Variants in ARMH3 observed in about 807,000 individuals in gnomAD.
ARMH3 encodes armadillo like helical domain containing 3.
ARMH3 carries 60 observed loss-of-function variants against 99.1 expected under a neutral mutation model. That is an observed-to-expected ratio of 0.61 (90% CI 0.49 to 0.75). The LOEUF (loss-of-function observed/expected upper bound fraction) is 0.75. Among genes scored for constraint, ARMH3 ranks in the 30% least tolerant of loss-of-function variants. The pLI is 0.00. For missense variants in ARMH3, 679 were observed against 843.1 expected (o/e 0.81, Z 2.41); for synonymous variants, 285 against 292.8 (o/e 0.97, Z 0.27).
At position 102,031,008 on chromosome 10, in the gene ARMH3, G is replaced by A. The variant is rs541301295; in HGVS notation, c.307-1263C>T. Among the ~76,000 whole-genome samples the A allele has an allele frequency of 1.8e-3, 280 of 151,680 alleles. 1 individual carries two copies. Among genetic ancestry groups the A allele is most frequent in the Non-Finnish European group, 2.9e-3 (196 of 67,864 alleles). The stretch of plus-strand genomic sequence containing the variant: ...TCATCATGTTGGCCAGGCTGGTATC[G>A]AACTCCTGCCAGTGATCTGCCCCCC... On this transcript the variant is annotated intron_variant, in intron 4 of 25. Coordinates refer to ENST00000370033, the MANE Select transcript of ARMH3 (RefSeq NM_024541.3).
chr10:101,956,828 T>TATAC, intron 21 of ARMH3, 105 bp from the exon 22 acceptor site: 1 of 1,203,898 alleles, frequency 8.3e-7, no homozygotes, highest in Non-Finnish European at 1.1e-6. Context: ...GAGTTGACTG[T>TATAC]AAAATTTTCA....
intron 17 of ARMH3, among the ~76,000 whole-genome samples, chr10:101,993,033 G>C (rs1433264448): frequency 6.6e-6 from 1 of 151,994 alleles, no homozygotes; most frequent in Admixed American, 6.6e-5. Context: ...CACTTTGGCA[G>C]GCCAAGGCGG....
chr10:102,029,022 G>A (rs1283490570), intron 5 of ARMH3, among the ~76,000 whole-genome samples: 2 of 152,084 alleles, frequency 1.3e-5, no homozygotes, highest in African/African-American at 2.4e-5. Flanking sequence ...TTACAGGCAC[G>A]TGCCACCATA....
At chr10:101,870,957 A>C (rs1269754975) in intron 24 of ARMH3, among the ~76,000 whole-genome samples, 4 of 152,148 alleles carry the variant, frequency 2.6e-5, no homozygotes, top group Non-Finnish European at 5.9e-5. Flanking sequence ...CCCAAACAAC[A>C]AACAAACAAC....
chr10:101,874,971 T>C (rs912764130), intron 24 of ARMH3, among the ~76,000 whole-genome samples: 2 of 152,180 alleles, frequency 1.3e-5, no homozygotes, highest in Admixed American at 1.3e-4. Flanking sequence ...TCCTGATACA[T>C]ACTCCATGAA....
At chr10:101,990,657 A>G in intron 18 of ARMH3, 46 bp from the exon 19 acceptor site, 1 of 1,481,128 alleles carries the variant, frequency 6.8e-7, no homozygotes, top group South Asian at 1.2e-5. Context: ...AATGGAATTC[A>G]TTTCTTGTCT....
chr10:102,009,937 C>T (rs2136104859), intron 12 of ARMH3, 40 bp downstream of exon 12: 2 of 1,592,684 alleles, frequency 1.3e-6, no homozygotes, highest in Middle Eastern at 1.7e-4. Context: ...ACAGCCCACA[C>T]TAAAGTCCAA....
chr10:101,884,598 A>T (rs1203961877), intron 24 of ARMH3, among the ~76,000 whole-genome samples: 1 of 152,212 alleles, frequency 6.6e-6, no homozygotes, highest in Non-Finnish European at 1.5e-5. Context: ...AAATGCCCTT[A>T]CCTAATGCTG....
At chr10:102,028,745 G>A (rs1306290307) in intron 5 of ARMH3, among the ~76,000 whole-genome samples, 3 of 152,198 alleles carry the variant, frequency 2.0e-5, no homozygotes, top group Non-Finnish European at 2.9e-5. Flanking sequence ...GAAGAGTGGA[G>A]AATTGGGGAA....
At position 101,975,234 on chromosome 10, in the gene ARMH3, G is replaced by A. The variant is rs1351784408; in HGVS notation, c.1473C>T (p.Tyr491=). The A allele has an allele frequency of 1.9e-6, 3 of 1,612,238 alleles. No homozygotes were observed. Among genetic ancestry groups the A allele is most frequent in the Admixed American group, 1.7e-5 (1 of 59,964 alleles). ...TACCTGACCAGAGCTCCCGCCAGGT[G>A]TAATGCAGGCGTACCCGACACTTCT... ...YQKKCRVRLH[Y]TWRELWSALI... The change falls in exon 20 of 26, where the codon TAC becomes TAT. Residue 491 remains tyrosine (Y), a synonymous_variant. Coordinates refer to ENST00000370033, the MANE Select transcript of ARMH3 (RefSeq NM_024541.3).
intron 19 of ARMH3, among the ~76,000 whole-genome samples, chr10:101,987,018 G>A (rs747848145): frequency 1.3e-5 from 2 of 152,200 alleles, no homozygotes; most frequent in Non-Finnish European, 2.9e-5. Flanking sequence ...AGGGCGAGGA[G>A]GGAGTTAGAA....
At position 102,025,381 on chromosome 10, in the gene ARMH3, A is replaced by G. The variant is rs2066978286; in HGVS notation, c.415-133T>C. On this transcript the variant is annotated intron_variant, in intron 5 of 25. Transcript: ENST00000370033. ...ACAACATCATTTCCTTAGGCCCAGA[A>G]CTTACAAGATTAAATAAAGAAAAGG... is the stretch of plus-strand genomic sequence containing the variant. 10 of 643,650 alleles carry G rather than the reference A, an allele frequency of 1.6e-5. No individual in the cohort carries two copies. The Admixed American group carries it at 2.9e-4, about 19-fold the overall frequency. The allele number at this position is 643,650 out of a possible 1,614,324, so 39.9% of individuals were successfully genotyped here.
At chr10:101,915,847 A>G (rs1590016606) in intron 23 of ARMH3, among the ~76,000 whole-genome samples, 1 of 126,404 alleles carries the variant, frequency 7.9e-6, no homozygotes, top group Admixed American at 1.0e-4. Context: ...TCTCTCACCC[A>G]GGTTGGACTG....
At chr10:101,919,887 A>G (rs1348061647) in intron 23 of ARMH3, among the ~76,000 whole-genome samples, 1 of 147,606 alleles carries the variant, frequency 6.8e-6, no homozygotes, top group Admixed American at 6.8e-5. Context: ...CCTTCAGTCA[A>G]TTTCTCTTCT....
intron 1 of ARMH3, among the ~76,000 whole-genome samples, chr10:102,053,137 A>C (rs1474281294): frequency 6.7e-6 from 1 of 148,800 alleles, no homozygotes; most frequent in Non-Finnish European, 1.5e-5. Flanking sequence ...AACTCTAATT[A>C]GTCTCACTGC....
intron 15 of ARMH3, among the ~76,000 whole-genome samples, chr10:102,001,714 T>G (rs1400072881): frequency 6.6e-6 from 1 of 152,198 alleles, no homozygotes. Context: ...CTAAGAAGAT[T>G]TGCTAGCTTT....
intron 23 of ARMH3, among the ~76,000 whole-genome samples, chr10:101,904,564 G>A (rs984698407): frequency 1.3e-5 from 2 of 152,066 alleles, no homozygotes; most frequent in African/African-American, 4.8e-5. Flanking sequence ...TTGTCTCAAA[G>A]CCCCATTTTG....
At chr10:101,855,234 AT>A (rs55772505) in intron 24 of ARMH3, among the ~76,000 whole-genome samples, 3 of 140,688 alleles carry the variant, frequency 2.1e-5, no homozygotes, top group Admixed American at 2.1e-4. Flanking sequence ...CTCCTGGCTA[AT>A]TTTTGTATTT....
At chr10:102,004,845 G>A (rs1166011564) in intron 14 of ARMH3, among the ~76,000 whole-genome samples, 3 of 152,064 alleles carry the variant, frequency 2.0e-5, no homozygotes, top group Admixed American at 1.3e-4. Flanking sequence ...CGAGGCAGGC[G>A]GATCACCTGA....
Sources: gnomAD v4.1 joint callset for allele counts (sites outside exome capture counted in the v4.1 genomes callset) on GRCh38, gnomAD v4.1.1 for gene constraint, MANE v1.5 for transcripts, NCBI Gene and HGNC (gene_info 2026-07-23, HGNC 2026-07-21) for gene names.